Variants in PACRG observed in about 807,000 individuals in gnomAD.
The protein encoded by PACRG is parkin coregulated gene protein.
In PACRG, 29 loss-of-function variants were observed where a neutral mutation model predicts 29.7. The ratio of observed to expected loss-of-function variants is 0.98; its 90% CI spans 0.73 to 1.33. PACRG has a LOEUF of 1.33. Ranked by LOEUF, PACRG falls within the 40% of genes most tolerant of loss-of-function variation. PACRG has a pLI of 0.00. For missense variants in PACRG, 279 were observed against 316.2 expected, an observed-to-expected ratio of 0.88 and a Z score of 0.89; for synonymous variants, 116 against 118.7, an observed-to-expected ratio of 0.98 and a Z score of 0.15.
intron 4 of PACRG, among the ~76,000 whole-genome samples, chr6:163,272,021 T>TCATTTCTTTTCTTTC (rs1783848776): frequency 1.3e-5 from 2 of 148,968 alleles, no homozygotes; most frequent in African/African-American, 2.5e-5. Context: ...TCTTTTCTTT[T>TCATTTCTTTTCTTTC]CATTTCTTTT....
At chr6:163,259,856 A>AC (rs1783255947) in intron 4 of PACRG, among the ~76,000 whole-genome samples, 1 of 151,774 alleles carries the variant, frequency 6.6e-6, no homozygotes, top group Non-Finnish European at 1.5e-5. Context: ...GCCCCGCTCC[A>AC]CCCCCAGAGG....
intron 4 of PACRG, among the ~76,000 whole-genome samples, chr6:163,250,037 G>C (rs1350394188): frequency 1.3e-5 from 2 of 152,196 alleles, no homozygotes; most frequent in East Asian, 3.9e-4. Flanking sequence ...TGCCACTCTT[G>C]TGAATAGTTG....
chr6:162,741,214 T>C (rs1405593675), intron 1 of PACRG, among the ~76,000 whole-genome samples: 1 of 152,198 alleles, frequency 6.6e-6, no homozygotes, highest in African/African-American at 2.4e-5. Flanking sequence ...CAAGATGAGG[T>C]ACTATTGCTA....
chr6:162,998,821 T>G (rs1804321536), intron 2 of PACRG, among the ~76,000 whole-genome samples: 1 of 152,230 alleles, frequency 6.6e-6, no homozygotes, highest in South Asian at 2.1e-4. Context: ...TAGAATTGAT[T>G]CTGACATGTG....
chr6:163,074,276 T>C (rs986119323), intron 3 of PACRG, among the ~76,000 whole-genome samples: 2 of 152,098 alleles, frequency 1.3e-5, no homozygotes, highest in African/African-American at 4.8e-5. Context: ...TGCAACAACA[T>C]GGATGGAACT....
rs945029985 is a variant in PACRG at position 163,129,189 on chromosome 6, T to C, written c.613+39781T>C. The stretch of plus-strand genomic sequence containing the variant: ...TCCTTAAATGAGAATGGGGGGGAAG[T>C]TGGGGAAGGGTCTGGAATTTGCATT... On this transcript the variant is annotated intron_variant, in intron 4 of 4. Coordinates refer to ENST00000366888, the MANE Select transcript of PACRG (RefSeq NM_001080379.2). Among the ~76,000 whole-genome samples, 3 of 152,176 alleles carry C rather than the reference T, an allele frequency of 2.0e-5. No homozygotes were observed. The East Asian group carries it at 5.8e-4, about 29-fold the overall frequency.
chr6:162,773,810 T>G (rs1171448249), intron 1 of PACRG, among the ~76,000 whole-genome samples: 1 of 152,152 alleles, frequency 6.6e-6, no homozygotes, highest in Non-Finnish European at 1.5e-5. Flanking sequence ...AGAAACCTTA[T>G]TTTAGGTCTT....
At chr6:163,243,439 C>G (rs1782578504) in intron 4 of PACRG, among the ~76,000 whole-genome samples, 1 of 152,230 alleles carries the variant, frequency 6.6e-6, no homozygotes, top group African/African-American at 2.4e-5. Flanking sequence ...CAACAAGCTT[C>G]TTGGGGTTTT....
At chr6:162,802,768 C>G (rs756344931) in intron 1 of PACRG, among the ~76,000 whole-genome samples, 1 of 152,120 alleles carries the variant, frequency 6.6e-6, no homozygotes, top group East Asian at 1.9e-4. Flanking sequence ...TAATGATCTC[C>G]CTTTATTATT....
chr6:163,194,414 A>G (rs1780354571), intron 4 of PACRG, among the ~76,000 whole-genome samples: 2 of 149,246 alleles, frequency 1.3e-5, no homozygotes, highest in African/African-American at 5.0e-5. Flanking sequence ...CCCTCCTTTC[A>G]TATCTTTCTT....
intron 1 of PACRG, among the ~76,000 whole-genome samples, chr6:162,748,420 G>A (rs1781259641): frequency 6.6e-6 from 1 of 152,180 alleles, no homozygotes; most frequent in Non-Finnish European, 1.5e-5. Context: ...TTGAACCCCA[G>A]GAGGCGGAGG....
chr6:162,808,609 G>A (rs1283785121), intron 1 of PACRG, among the ~76,000 whole-genome samples: 1 of 152,112 alleles, frequency 6.6e-6, no homozygotes, highest in African/African-American at 2.4e-5. Context: ...CGTAAATGTA[G>A]GCATATAAAG....
chr6:162,761,002 C>G (rs1218354219), intron 1 of PACRG, among the ~76,000 whole-genome samples: 1 of 152,292 alleles, frequency 6.6e-6, no homozygotes. Flanking sequence ...CTTGGCCGGG[C>G]AGGGTCTAGG....
chr6:162,809,420 T>C (rs1296002296), intron 1 of PACRG, among the ~76,000 whole-genome samples: 1 of 152,224 alleles, frequency 6.6e-6, no homozygotes, highest in Admixed American at 6.5e-5. Flanking sequence ...TTTTGTAAAG[T>C]TCTCTTCTAA....
chr6:163,063,220 G>T (rs1464940464), intron 3 of PACRG, among the ~76,000 whole-genome samples: 21 of 152,148 alleles, frequency 1.4e-4, no homozygotes, highest in Admixed American at 1.4e-3. Flanking sequence ...TTCTGCAGAT[G>T]AGGGAGACCC....
chr6:163,100,096 C>A (rs1194190721), intron 4 of PACRG, among the ~76,000 whole-genome samples: 2 of 152,004 alleles, frequency 1.3e-5, no homozygotes, highest in East Asian at 3.9e-4. Context: ...TGCCTGGACT[C>A]CTGGGCTGCC....
intron 4 of PACRG, among the ~76,000 whole-genome samples, chr6:163,092,198 T>C (rs1814170891): frequency 6.6e-6 from 1 of 152,244 alleles, no homozygotes; most frequent in Non-Finnish European, 1.5e-5. Context: ...AGATTAGTTC[T>C]ACTGCCTGAA....
chr6:163,274,553 G>A (rs1302121861), intron 4 of PACRG, among the ~76,000 whole-genome samples: 2 of 152,152 alleles, frequency 1.3e-5, no homozygotes, highest in Admixed American at 1.3e-4. Context: ...AGCCAGTAAT[G>A]GGATGGCTGG....
intron 2 of PACRG, among the ~76,000 whole-genome samples, chr6:162,938,635 C>A (rs928108693): frequency 2.0e-5 from 3 of 152,222 alleles, no homozygotes; most frequent in South Asian, 2.1e-4. Context: ...GAAGTGTTCC[C>A]TGTTCACTGC....
Sources: gnomAD v4.1 joint callset for allele counts (sites outside exome capture counted in the v4.1 genomes callset) on GRCh38, gnomAD v4.1.1 for gene constraint, MANE v1.5 for transcripts, NCBI Gene and HGNC (gene_info 2026-07-23, HGNC 2026-07-21) for gene names.